NELFCD: variants seen among roughly 807,000 people sequenced by gnomAD.
The protein encoded by NELFCD is negative elongation factor complex member C/D.
A neutral mutation model predicts 72.9 loss-of-function variants in NELFCD; 48 were observed. That is an observed-to-expected ratio of 0.66 (90% CI 0.52 to 0.84). The LOEUF is 0.84. Ranked by LOEUF, NELFCD falls within the 40% of genes least tolerant of loss-of-function variation. The pLI is 0.00. For synonymous variants in NELFCD, 297 were observed against 280.6 expected (o/e 1.06, Z -0.59); for missense variants, 538 against 723.8 (o/e 0.74, Z 2.94).
At chr20:58,987,439 T>G in intron 3 of NELFCD, 8 of 419,264 alleles carry the variant, frequency 1.9e-5, no homozygotes, top group East Asian at 4.5e-5. Context: ...GCTGGGGCCA[T>G]TTGTCTTTAT....
Position 58,990,967 on chromosome 20 carries a change from G to A in NELFCD, c.846G>A (p.Arg282=). The A allele has an allele frequency of 6.2e-7, 1 of 1,614,158 alleles. No homozygotes were observed. ...LALGTAASYP[R]ACQALGAMLS... is the part of the protein sequence containing the mutation. ...TGGGCACAGCTGCCTCCTACCCCAG[G>A]GCCTGCCAGGCTCTCGGGGCCATGC... The change falls in exon 8 of 15, where the codon AGG becomes AGA. Residue 282 remains arginine, a synonymous_variant. Transcript: ENST00000652272.
intron 1 of NELFCD, among the ~76,000 whole-genome samples, chr20:58,985,395 C>T (rs986778337): frequency 2.0e-5 from 3 of 152,230 alleles, no homozygotes; most frequent in African/African-American, 4.8e-5. Context: ...GTTCAAAAAG[C>T]ATCTGCTTGT....
chr20:58,987,507 A>T (rs2091781091), intron 3 of NELFCD: 1 of 569,480 alleles, frequency 1.8e-6, no homozygotes, highest in Non-Finnish European at 3.1e-6. Flanking sequence ...GGTGGACCAG[A>T]CTTGTGTGTT....
chr20:58,981,541 C>T (rs1009791942), intron 1 of NELFCD, among the ~76,000 whole-genome samples, 172 bp downstream of exon 1: 12 of 147,916 alleles, frequency 8.1e-5, no homozygotes, highest in African/African-American at 2.9e-4. Context: ...GCCCCGCCCC[C>T]GCCCGCCCGG....
intron 7 of NELFCD, 111 bp from the exon 8 acceptor site, chr20:58,990,799 G>T (rs1282798514): frequency 2.1e-6 from 2 of 959,580 alleles, no homozygotes; most frequent in Non-Finnish European, 3.1e-6. Flanking sequence ...CAGTATACTC[G>T]TGAATGACAG....
In NELFCD at chr20:58,990,918, AC is replaced by A; in HGVS notation, c.798del (p.Asp266GlufsTer7). ...TGGTTTTTCTCATCAAGAGGTCATG[AC>A]GCCAGTCAGATCACACTAGCCTTGG... is the stretch of plus-strand genomic sequence containing the variant. ...VQRFAQEKGH[D>X]ASQITLALGT... On this transcript the variant is annotated frameshift_variant, in exon 8 of 15. Coordinates refer to ENST00000652272, the MANE Select transcript of NELFCD (RefSeq NM_198976.4). LOFTEE classifies it high-confidence loss of function. The A allele has an allele frequency of 6.2e-7, 1 of 1,613,716 alleles. No homozygotes were observed. Among genetic ancestry groups the A allele is most frequent in the Non-Finnish European group, 8.5e-7 (1 of 1,179,828 alleles).
rs1329197112 is a variant in NELFCD at position 58,986,308 on chromosome 20, G to A, written c.176+100G>A. On this transcript the variant is annotated intron_variant, in intron 2 of 14. Transcript: ENST00000652272. This position sits in a 1 kb window ranked among gnomAD's most constrained non-coding sequence, Gnocchi z 4.4. ...GTGCTATGTAAAGCAAGAGTAACGC[G>A]AACTGAACTAAAGGCTTCAAGGGGG... 14 of 788,832 alleles carry A rather than the reference G, an allele frequency of 1.8e-5. No homozygotes were observed. The highest frequency in any genetic ancestry group is 1.6e-5 in the South Asian group (1 of 64,058). The allele number at this position is 788,832 out of a possible 1,614,324, so 48.9% of individuals were successfully genotyped here.
At chr20:58,987,517 T>G (rs989738089) in intron 3 of NELFCD, 191 bp from the exon 4 acceptor site, 22 of 587,960 alleles carry the variant, frequency 3.7e-5, no homozygotes, top group African/African-American at 9.4e-5. Flanking sequence ...ACTTGTGTGT[T>G]CTGTTCTGTG....
At chr20:58,988,448 G>A (rs1443249162) in intron 4 of NELFCD, among the ~76,000 whole-genome samples, 2 of 152,202 alleles carry the variant, frequency 1.3e-5, no homozygotes, top group East Asian at 3.9e-4. Context: ...GCTGGCCTTG[G>A]CACAAACAGG....
chr20:58,981,266 C>G lies in NELFCD; in HGVS notation c.-44C>G. Reference sequence around the variant, plus strand: ...GTCCCCGCCTCGCGCATGCGCCGCGCTCGCTCGCGGGAGGGCATGGCGGGG... The same window carrying G: ...GTCCCCGCCTCGCGCATGCGCCGCGGTCGCTCGCGGGAGGGCATGGCGGGG... On this transcript the variant is annotated 5_prime_UTR_variant, in exon 1 of 15. Transcript: ENST00000652272. 9.6e-7 allele frequency: 1 copy of G among 1,043,046 alleles called. No individual in the cohort carries two copies. Among genetic ancestry groups the G allele is most frequent in the Non-Finnish European group, 1.2e-6 (1 of 867,650 alleles). 64.6% of individuals were successfully genotyped at this position (1,043,046 alleles called of 1,614,324 possible).
intron 10 of NELFCD, 63 bp downstream of exon 10, chr20:58,992,083 A>G (rs1454513727): frequency 1.3e-6 from 2 of 1,494,316 alleles, no homozygotes; most frequent in Middle Eastern, 1.8e-4. Flanking sequence ...TTGAGTTTTC[A>G]TATTGAAAGC....
intron 7 of NELFCD, 45 bp from the exon 8 acceptor site, chr20:58,990,865 G>T (rs764068673): frequency 1.3e-6 from 2 of 1,534,682 alleles, no homozygotes; most frequent in Non-Finnish European, 1.8e-6. Flanking sequence ...ACAGAAAAAA[G>T]AAGCTGCCTT....
intron 7 of NELFCD, 92 bp from the exon 8 acceptor site, chr20:58,990,818 A>G: frequency 8.7e-7 from 1 of 1,154,432 alleles, no homozygotes; most frequent in South Asian, 1.5e-5. Context: ...AGAAAAACAG[A>G]TCCCAACAAT....
Position 58,993,463 on chromosome 20 carries a change from C to T in NELFCD, c.1359C>T (p.His453=), listed in dbSNP as rs766668165. The change falls in exon 12 of 15, where the codon CAC becomes CAT. Residue 453 remains histidine, a synonymous_variant. Coordinates refer to ENST00000652272, the MANE Select transcript of NELFCD (RefSeq NM_198976.4). This position sits in a 1 kb window ranked among gnomAD's most constrained non-coding sequence, Gnocchi z 5.0. ...CCTGTTTGTAGATCAGCACCTGCCA[C>T]CAGCTCCTGCACCCCCAGGTCCTGC... is the stretch of plus-strand genomic sequence containing the variant. ...LALLDEISTC[H]QLLHPQVLQL... is the part of the protein sequence containing the mutation. The T allele has an allele frequency of 1.9e-6, 3 of 1,613,844 alleles. No individual in the cohort carries two copies. Among genetic ancestry groups the T allele is most frequent in the South Asian group, 2.2e-5 (2 of 91,056 alleles).
chr20:58,991,123 T>C (rs1299581811), intron 8 of NELFCD, 48 bp downstream of exon 8: 18 of 1,599,378 alleles, frequency 1.1e-5, no homozygotes, highest in African/African-American at 4.0e-5. Context: ...AAGGTGACTT[T>C]GGAAAGTCTG....
chr20:58,993,952 A>G lies in NELFCD; in HGVS notation c.1582-158A>G. The G allele has an allele frequency of 9.1e-7, 1 of 1,098,530 alleles. No individual in the cohort carries two copies. Among genetic ancestry groups the G allele is most frequent in the Non-Finnish European group, 1.3e-6 (1 of 752,450 alleles). The allele number at this position is 1,098,530 out of a possible 1,614,324, so 68.0% of individuals were successfully genotyped here. On this transcript the variant is annotated intron_variant, in intron 13 of 14. Coordinates refer to ENST00000652272, the MANE Select transcript of NELFCD (RefSeq NM_198976.4). This position sits in a 1 kb window ranked among gnomAD's most constrained non-coding sequence, Gnocchi z 5.0. ...CAGCTGTATGACACACTTTACCTCC[A>G]TTACCACCCTGGGCATCTGAATGTT...
rs2091849785 is a variant in NELFCD at position 58,995,018 on chromosome 20, G to C, written c.*342G>C. On this transcript the variant is annotated 3_prime_UTR_variant, in exon 15 of 15. Coordinates refer to ENST00000652272, the MANE Select transcript of NELFCD (RefSeq NM_198976.4). ...CACTCGGGGAACTCCTTTCCAAGCT[G>C]ACCTCAGTTTTCTCACAAGAACCCA... 3 of 258,342 alleles carry C rather than the reference G, an allele frequency of 1.2e-5. No homozygotes were observed. In the Admixed American group the frequency reaches 1.5e-4, roughly 13 times the overall value. 16.0% of individuals were successfully genotyped at this position (258,342 alleles called of 1,614,324 possible).
chr20:58,994,166 C>T lies in NELFCD; in HGVS notation c.1638C>T (p.Pro546=). The change falls in exon 14 of 15, where the codon CCC becomes CCT. Residue 546 remains proline, a synonymous_variant. Coordinates refer to ENST00000652272, the MANE Select transcript of NELFCD (RefSeq NM_198976.4). The stretch of plus-strand genomic sequence containing the variant: ...CTGACTTCGTGCAACTTTTCCTCCC[C>T]ATCCTGGAGAATGACAGCATCGCAG... ...YTSDFVQLFL[P]ILENDSIAGT... is the part of the protein sequence containing the mutation. 6.2e-7 allele frequency: 1 copy of T among 1,614,192 alleles called. No individual in the cohort carries two copies. The highest frequency in any genetic ancestry group is 8.5e-7 in the Non-Finnish European group (1 of 1,180,000).
rs377766658 is a variant in NELFCD at position 58,991,335 on chromosome 20, C to G, written c.978C>G (p.Asp326Glu). ...AGATCCGCGTTCCAGCCTTCCTGGA[C>G]CTGTTCATGCAGTCACTCTTTAAAC... ...VELIRVPAFL[D>E]LFMQSLFKPG... Residue 326 changes from aspartate to glutamate, a missense_variant, in exon 9 of 15, where the codon GAC (aspartate) becomes GAG (glutamate). By Grantham distance (45) the Asp-to-Glu change is conservative. Coordinates refer to ENST00000652272, the MANE Select transcript of NELFCD (RefSeq NM_198976.4). The G allele has an allele frequency of 6.2e-6, 10 of 1,614,196 alleles. No homozygotes were observed. Among genetic ancestry groups the G allele is most frequent in the Non-Finnish European group, 8.5e-6 (10 of 1,180,040 alleles).
Sources: gnomAD v4.1 joint callset for allele counts (sites outside exome capture counted in the v4.1 genomes callset) on GRCh38, gnomAD v4.1.1 for gene constraint, Gnocchi (gnomAD v3.1) non-coding constraint, MANE v1.5 for transcripts, NCBI Gene and HGNC (gene_info 2026-07-23, HGNC 2026-07-21) for gene names.